Variants in ITLN2 observed in about 807,000 individuals in gnomAD.
ITLN2 encodes intelectin-2.
In ITLN2, 29 loss-of-function variants were observed where a neutral mutation model predicts 39.4. The ratio of observed to expected loss-of-function variants is 0.74; its 90% confidence interval spans 0.55 to 1.00. The LOEUF (loss-of-function observed/expected upper bound fraction) is 1.00. Among genes scored for constraint, ITLN2 ranks in the 50% least tolerant of loss-of-function variants. ITLN2 has a pLI of 0.00. For missense variants in ITLN2, 412 were observed against 416.7 expected, an observed-to-expected ratio of 0.99 and a Z score of 0.10; for synonymous variants, 156 against 153.4, an observed-to-expected ratio of 1.02 and a Z score of -0.12.
chr1:160,945,954 G>C (rs1386792768), intron 7 of ITLN2, among the ~76,000 whole-genome samples: 2 of 152,104 alleles, frequency 1.3e-5, no homozygotes, highest in African/African-American at 4.8e-5. Context: ...ACATCTTAAA[G>C]AAAACATTAA....
chr1:160,950,146 TCTGTATTTCACTGGG>T lies in ITLN2; in HGVS notation c.606_620del (p.Tyr202_Arg207delinsTer). The T allele has an allele frequency of 6.2e-7, 1 of 1,613,914 alleles. No individual in the cohort carries two copies. The highest frequency in any genetic ancestry group is 8.5e-7 in the Non-Finnish European group (1 of 1,179,794). On this transcript the variant is annotated stop_gained and inframe_deletion, in exon 6 of 8. Transcript: ENST00000368029. LOFTEE classifies it high-confidence loss of function. ...CATTGTCATTCCAACATTTCCCTGA[TCTGTATTTCACTGGG>T]TATTTCTGCAGAGACCCAGAAGAAA...
In ITLN2 at chr1:160,945,039, G is replaced by T; in HGVS notation, c.*101C>A. On this transcript the variant is annotated 3_prime_UTR_variant, in exon 8 of 8. Coordinates refer to ENST00000368029, the MANE Select transcript of ITLN2 (RefSeq NM_080878.3). ...GAAACATAGAGTTGCAAATTGATGT[G>T]ATTTAGTCTCCTCTCCTCCTTGTTA... 1 of 1,029,154 alleles carries T rather than the reference G, an allele frequency of 9.7e-7. No homozygotes were observed. Among genetic ancestry groups the T allele is most frequent in the Non-Finnish European group, 1.4e-6 (1 of 716,450 alleles). 63.8% of individuals were successfully genotyped at this position (1,029,154 alleles called of 1,614,324 possible). A position where few individuals can be genotyped will look rare whatever the true frequency, so the allele number is the denominator to read the frequency against.
At chr1:160,951,577 C>T in intron 3 of ITLN2, 1 of 331,086 alleles carries the variant, frequency 3.0e-6, no homozygotes. Context: ...CCAGGAGAGG[C>T]CAGAAATCAG....
intron 5 of ITLN2, 91 bp downstream of exon 5, chr1:160,950,462 G>A: frequency 1.4e-6 from 2 of 1,455,676 alleles, no homozygotes; most frequent in Non-Finnish European, 1.9e-6. Flanking sequence ...CAGTAGTGAT[G>A]TGGAACCACA....
At chr1:160,947,177 A>G (rs1671624717) in intron 7 of ITLN2, among the ~76,000 whole-genome samples, 1 of 152,244 alleles carries the variant, frequency 6.6e-6, no homozygotes, top group African/African-American at 2.4e-5. Flanking sequence ...AGGAATCTGT[A>G]TCATGAATAA....
chr1:160,951,494 A>C (rs1192545284), intron 3 of ITLN2: 1 of 635,670 alleles, frequency 1.6e-6, no homozygotes, highest in African/African-American at 1.8e-5. Context: ...CTATCTTTTC[A>C]AAGAGTTTGT....
rs1570974951 is a variant in ITLN2 at position 160,951,279 on chromosome 1, A to G, written c.205T>C (p.Phe69Leu). The G allele has an allele frequency of 6.3e-7, 1 of 1,583,154 alleles. No homozygotes were observed. Among genetic ancestry groups the G allele is most frequent in the East Asian group, 2.2e-5 (1 of 44,636 alleles). Reference sequence around the variant, plus strand: ...ACAACACCATTCTTGGTGCGGAGAAAATACAGGCCATCTGTAGAGAGAACC... The same window carrying G: ...ACAACACCATTCTTGGTGCGGAGAAGATACAGGCCATCTGTAGAGAGAACC... Reference protein sequence around the residue: ...RCHSAGDGLYFLRTKNGVVYQ... With the variant: ...RCHSAGDGLYLLRTKNGVVYQ... Residue 69 changes from phenylalanine (F) to leucine (L), a missense_variant, in exon 4 of 8, where the codon TTT (phenylalanine) becomes CTT (leucine). Phe to Leu is a conservative substitution (Grantham distance 22, BLOSUM62 0). Transcript: ENST00000368029.
chr1:160,953,020 A>T (rs1671780469), intron 2 of ITLN2, among the ~76,000 whole-genome samples: 1 of 152,234 alleles, frequency 6.6e-6, no homozygotes, highest in Non-Finnish European at 1.5e-5. Flanking sequence ...GAAGGAGCAC[A>T]TGGAAAGGGA....
chr1:160,952,822 C>T, intron 2 of ITLN2, 89 bp from the exon 3 acceptor site: 1 of 940,180 alleles, frequency 1.1e-6, no homozygotes, highest in South Asian at 1.4e-5. Context: ...CAACTCATCA[C>T]TCTGCTCTGA....
intron 4 of ITLN2, 143 bp from the exon 5 acceptor site, chr1:160,950,854 G>T (rs1671725531): frequency 2.1e-6 from 3 of 1,457,342 alleles, no homozygotes; most frequent in Non-Finnish European, 2.8e-6. Flanking sequence ...ACTCCCAGCT[G>T]ATGATCCCAC....
intron 1 of ITLN2, 87 bp from the exon 2 acceptor site, chr1:160,954,537 G>A: frequency 7.7e-7 from 1 of 1,301,376 alleles, no homozygotes; most frequent in African/African-American, 1.5e-5. Flanking sequence ...TCTGAGTCAG[G>A]AATCCTCAAA....
Position 160,945,131 on chromosome 1 carries a change from A to G in ITLN2, c.*9T>C, listed in dbSNP as rs1205113894. On this transcript the variant is annotated 3_prime_UTR_variant, in exon 8 of 8. Transcript: ENST00000368029. ...ATGGGTTCTCGCCCTGACACCGCAG[A>G]GCTCTGTCTCATCTATAGAACAAGA... The G allele has an allele frequency of 6.4e-7, 1 of 1,564,630 alleles. No homozygotes were observed.
chr1:160,948,017 C>A lies in ITLN2; in HGVS notation c.737G>T (p.Gly246Val). The change falls in exon 7 of 8, where the codon GGA becomes GTA. Residue 246 changes from glycine to valine, a missense_variant. By Grantham distance (109) the Gly-to-Val change is moderately radical. Coordinates refer to ENST00000368029, the MANE Select transcript of ITLN2 (RefSeq NM_080878.3). ...ATTAAACACCCGGAACTGAACGAAT[C>A]CTGCAACAAATTCCCCTGAAAAAGA... ...SPYGQREFVAGFVQFRVFNNE... is the reference protein window; with the variant it reads ...SPYGQREFVAVFVQFRVFNNE... The A allele has an allele frequency of 1.2e-6, 2 of 1,614,006 alleles. No individual in the cohort carries two copies. Among genetic ancestry groups the A allele is most frequent in the Non-Finnish European group, 1.7e-6 (2 of 1,179,930 alleles).
chr1:160,954,553 A>C (rs1056501607), intron 1 of ITLN2, 103 bp from the exon 2 acceptor site: 1 of 1,236,194 alleles, frequency 8.1e-7, no homozygotes, highest in African/African-American at 1.5e-5. Context: ...TCAAATGGAA[A>C]GTGATGGGCT....
chr1:160,954,587 G>T, intron 1 of ITLN2, 137 bp from the exon 2 acceptor site: 1 of 1,222,130 alleles, frequency 8.2e-7, no homozygotes, highest in Non-Finnish European at 1.2e-6. Context: ...AAACCTCCTG[G>T]AATATGCCCC....
rs978335546 is a variant in ITLN2 at position 160,947,845 on chromosome 1, T to G, written c.825+84A>C. ...AGATTAAAATGGAGTTTCTTATGTC[T>G]TCCTTTTCTACATAGACACAGTAAC... On this transcript the variant is annotated intron_variant, in intron 7 of 7. Transcript: ENST00000368029. The G allele has an allele frequency of 3.2e-5, 31 of 961,592 alleles. No homozygotes were observed. The Middle Eastern group carries it at 1.9e-3, about 59-fold the overall frequency. 59.6% of individuals were successfully genotyped at this position (961,592 alleles called of 1,614,324 possible).
chr1:160,950,296 T>A, intron 5 of ITLN2, 130 bp from the exon 6 acceptor site: 1 of 1,042,476 alleles, frequency 9.6e-7, no homozygotes, highest in Non-Finnish European at 1.4e-6. Flanking sequence ...CTTTTCCCCA[T>A]AGCTGTGTCT....
In ITLN2 at chr1:160,945,284, G is replaced by A. The variant is rs757396593; in HGVS notation, c.834C>T (p.Ile278=). ...CCTGTGGGAAGAACCCTCCTCCACC[G>A]ATGCAGTGCTGGGAAACAGAAAGAA... ...VTGCNTEHHC[I]GGGGFFPQGK... Residue 278 remains isoleucine, a synonymous_variant, in exon 8 of 8, where the codon ATC becomes ATT. Transcript: ENST00000368029. 7.0e-6 allele frequency: 11 copies of A among 1,564,604 alleles called. No individual in the cohort carries two copies. Among genetic ancestry groups the A allele is most frequent in the South Asian group, 2.4e-5 (2 of 82,732 alleles).
chr1:160,947,414 C>A lies in ITLN2; in HGVS notation c.825+515G>T, dbSNP rs149337744. Among the ~76,000 whole-genome samples the A allele has an allele frequency of 1.9e-3, 291 of 152,278 alleles. 2 individuals carry two copies. Among genetic ancestry groups the A allele is most frequent in the African/African-American group, 6.6e-3 (275 of 41,534 alleles). On this transcript the variant is annotated intron_variant, in intron 7 of 7. Coordinates refer to ENST00000368029, the MANE Select transcript of ITLN2 (RefSeq NM_080878.3). ...GGGATGAGCAGGAGACAGAAGCCTTCCTCTTACCTCAACTGCAAAGAAGCC... is the reference window on the plus strand; with the variant it reads ...GGGATGAGCAGGAGACAGAAGCCTTACTCTTACCTCAACTGCAAAGAAGCC...
Sources: allele counts gnomAD v4.1 joint callset (sites outside exome capture counted in the v4.1 genomes callset), GRCh38; gene constraint gnomAD v4.1.1; transcripts MANE v1.5; gene names NCBI Gene and HGNC (gene_info 2026-07-23, HGNC 2026-07-21).